Variants in RUBCN observed in about 807,000 individuals in gnomAD.
RUBCN encodes run domain Beclin-1-interacting and cysteine-rich domain-containing protein.
A neutral mutation model predicts 113.2 loss-of-function variants in RUBCN; 74 were observed. The ratio of observed to expected loss-of-function variants is 0.65; its 90% CI spans 0.54 to 0.79. RUBCN has a LOEUF of 0.79. Among genes scored for constraint, RUBCN ranks in the 30% least tolerant of loss-of-function variants. The pLI is 0.00. For missense variants in RUBCN, 1,109 were observed against 1,251.7 expected (o/e 0.89, Z 1.72); for synonymous variants, 480 against 490.0 (o/e 0.98, Z 0.27).
chr3:197,732,714 G>A (rs1727660171), intron 1 of RUBCN, among the ~76,000 whole-genome samples: 1 of 152,156 alleles, frequency 6.6e-6, no homozygotes, highest in African/African-American at 2.4e-5. Flanking sequence ...TGGCTGGAGT[G>A]ATAGCTAGAC....
intron 2 of RUBCN, among the ~76,000 whole-genome samples, chr3:197,705,580 A>G (rs1375182081): frequency 1.3e-5 from 2 of 151,808 alleles, no homozygotes; most frequent in African/African-American, 2.4e-5. Context: ...AAAAAAAAAA[A>G]AAAAGAAAAG....
chr3:197,668,995 TTATG>T lies in RUBCN; in HGVS notation c.*6019_*6022del, dbSNP rs1428836981. On this transcript the variant is annotated 3_prime_UTR_variant, in exon 20 of 20. Transcript: ENST00000296343. ...ACACTAATTTTTACGTATGTTTTCC[TTATG>T]TATTTTTTCTAACCATATTTTTGCA... is the stretch of plus-strand genomic sequence containing the variant. Among the ~76,000 whole-genome samples, 2 of 152,216 alleles carry T rather than the reference TTATG, an allele frequency of 1.3e-5. No individual in the cohort carries two copies. The highest frequency in any genetic ancestry group is 2.9e-5 in the Non-Finnish European group (2 of 68,044).
intron 1 of RUBCN, among the ~76,000 whole-genome samples, chr3:197,722,745 G>T (rs1256913570): frequency 3.3e-5 from 5 of 151,844 alleles, no homozygotes; most frequent in Non-Finnish European, 7.4e-5. Flanking sequence ...CTTTGGATTT[G>T]AAGTCTATTT....
chr3:197,691,942 T>G (rs1722465902), intron 11 of RUBCN, among the ~76,000 whole-genome samples: 1 of 152,130 alleles, frequency 6.6e-6, no homozygotes, highest in Non-Finnish European at 1.5e-5. Context: ...TGGAATTTCT[T>G]GAATCATTCA....
chr3:197,699,237 G>A (rs765022371), intron 7 of RUBCN: 39 of 1,545,426 alleles, frequency 2.5e-5, no homozygotes, highest in East Asian at 9.8e-5. Flanking sequence ...GCCTCCTGCC[G>A]GTAGACAGAC....
chr3:197,735,462 C>G (rs780164101), intron 1 of RUBCN, among the ~76,000 whole-genome samples: 1 of 152,238 alleles, frequency 6.6e-6, no homozygotes, highest in African/African-American at 2.4e-5. Context: ...CATTCCTGCT[C>G]TCGCCTGTCA....
chr3:197,690,315 G>A (rs1722284525), intron 11 of RUBCN, among the ~76,000 whole-genome samples: 2 of 152,174 alleles, frequency 1.3e-5, no homozygotes, highest in South Asian at 2.1e-4. Flanking sequence ...GCAGCTGCCT[G>A]TAGTCCCAGC....
At chr3:197,749,001 T>C (rs1248274017) in intron 1 of RUBCN, among the ~76,000 whole-genome samples, 1 of 152,190 alleles carries the variant, frequency 6.6e-6, no homozygotes, top group East Asian at 1.9e-4. Context: ...TGTCCTTAGA[T>C]GTAAATATCC....
chr3:197,723,591 T>C (rs1726408023), intron 1 of RUBCN, among the ~76,000 whole-genome samples: 1 of 152,206 alleles, frequency 6.6e-6, no homozygotes, highest in African/African-American at 2.4e-5. Flanking sequence ...TCCCCAAATC[T>C]GGAATTTTTG....
chr3:197,691,970 C>T (rs777243373), intron 11 of RUBCN, among the ~76,000 whole-genome samples: 21 of 152,072 alleles, frequency 1.4e-4, no homozygotes, highest in Middle Eastern at 3.4e-3. Context: ...ATTCAAAATA[C>T]GCCCCTTTCA....
In RUBCN at chr3:197,679,827, C is replaced by T. The variant is rs372066446; in HGVS notation, c.2430+1302G>A. Among the ~76,000 whole-genome samples the T allele has an allele frequency of 1.9e-4, 27 of 143,738 alleles. No homozygotes were observed. The East Asian group carries it at 5.7e-3, about 30-fold the overall frequency. 94.3% of individuals were successfully genotyped at this position (143,738 alleles called of 152,430 possible). ...ACAACTGGCTCCAGACTGTCCTACG[C>T]TCTGACAACTGGCTCCAGACTGTCC... On this transcript the variant is annotated intron_variant, in intron 16 of 19. Coordinates refer to ENST00000296343, the MANE Select transcript of RUBCN (RefSeq NM_014687.4).
Position 197,674,875 on chromosome 3 carries a change from G to GGTGGTCGCCGTA in RUBCN, c.*142_*143insTACGGCGACCAC. The GGTGGTCGCCGTA allele has an allele frequency of 4.6e-6, 3 of 649,284 alleles. No individual in the cohort carries two copies. The highest frequency in any genetic ancestry group is 2.4e-5 in the South Asian group (1 of 41,936). The allele number at this position is 649,284 out of a possible 1,614,324, so 40.2% of individuals were successfully genotyped here. On this transcript the variant is annotated 3_prime_UTR_variant, in exon 20 of 20. Transcript: ENST00000296343. ...CTGACTGCACACAGACGTCAGACAA[G>GGTGGTCGCCGTA]TCAGTAAAAAAAAAAAAAAAGATGA...
intron 2 of RUBCN, among the ~76,000 whole-genome samples, chr3:197,709,510 A>G (rs567141438): frequency 5.3e-5 from 8 of 152,256 alleles, no homozygotes; most frequent in Non-Finnish European, 8.8e-5. Context: ...CCTCCTGAGT[A>G]GCTGGGATTA....
At chr3:197,700,495 GTTGT>G in intron 7 of RUBCN, 114 bp downstream of exon 7, 1 of 921,390 alleles carries the variant, frequency 1.1e-6, no homozygotes, top group Non-Finnish European at 1.7e-6. Context: ...AAAATAAGAT[GTTGT>G]ATCACCAGAA....
intron 1 of RUBCN, among the ~76,000 whole-genome samples, chr3:197,722,502 G>A (rs768327998): frequency 7.9e-5 from 12 of 151,886 alleles, no homozygotes; most frequent in East Asian, 3.9e-4. Context: ...TGCTGAAAGT[G>A]GGGTATCAGA....
chr3:197,683,237 G>A lies in RUBCN; in HGVS notation c.1980+70C>T. The A allele has an allele frequency of 6.3e-7, 1 of 1,591,458 alleles. No homozygotes were observed. The highest frequency in any genetic ancestry group is 8.6e-7 in the Non-Finnish European group (1 of 1,159,422). On this transcript the variant is annotated intron_variant, in intron 13 of 19. Transcript: ENST00000296343. The surrounding 1 kb of genome is among the most constrained non-coding windows in gnomAD (Gnocchi z 4.6). ...CAGGCTCATTCCAGACTAGGGACAT[G>A]TGACGAAGGAAAACAAGGTCACAGA...
intron 11 of RUBCN, among the ~76,000 whole-genome samples, chr3:197,689,508 C>T (rs1310579215): frequency 1.3e-5 from 2 of 152,134 alleles, no homozygotes; most frequent in African/African-American, 4.8e-5. Flanking sequence ...GTGGCTGACA[C>T]TCAACACATG....
chr3:197,715,027 C>T (rs1294658716), intron 2 of RUBCN, among the ~76,000 whole-genome samples: 3 of 152,056 alleles, frequency 2.0e-5, no homozygotes, highest in Middle Eastern at 3.2e-3. Context: ...CAGTGGCTCA[C>T]GCCTGTCATC....
intron 4 of RUBCN, 120 bp downstream of exon 4, chr3:197,704,422 G>A (rs933080658): frequency 9.6e-6 from 9 of 940,576 alleles, no homozygotes; most frequent in South Asian, 6.5e-5. Context: ...TGACAAGAGC[G>A]TAAGTCCATC....
Sources: gnomAD v4.1 joint callset for allele counts (sites outside exome capture counted in the v4.1 genomes callset) on GRCh38, gnomAD v4.1.1 for gene constraint, Gnocchi (gnomAD v3.1) non-coding constraint, MANE v1.5 for transcripts, NCBI Gene and HGNC (gene_info 2026-07-23, HGNC 2026-07-21) for gene names.